The following LRMDA variants were observed in gnomAD, a reference collection of about 807,000 sequenced individuals.
LRMDA encodes the protein leucine rich melanocyte differentiation associated, also known as leucine-rich melanocyte differentiation-associated protein.
LRMDA carries 18 observed loss-of-function variants against 29.8 expected under a neutral mutation model. The observed-to-expected ratio is 0.60, with a 90% CI of 0.42 to 0.90. The LOEUF (loss-of-function observed/expected upper bound fraction) is 0.90. Ranked by LOEUF, LRMDA falls within the 40% of genes least tolerant of loss-of-function variation. The pLI is 0.00. For missense variants in LRMDA, 273 were observed against 273.9 expected (o/e 1.00, Z 0.02); for synonymous variants, 125 against 109.4 (o/e 1.14, Z -0.89).
intron 2 of LRMDA, among the ~76,000 whole-genome samples, chr10:75,953,991 C>T (rs1219670523): frequency 6.6e-6 from 1 of 152,130 alleles, no homozygotes; most frequent in Non-Finnish European, 1.5e-5. Context: ...CCTAGATATT[C>T]AAAGAGAGAG....
chr10:76,044,190 G>A (rs901491618), intron 3 of LRMDA, among the ~76,000 whole-genome samples: 1 of 152,188 alleles, frequency 6.6e-6, no homozygotes, highest in African/African-American at 2.4e-5. Context: ...TGGAGCATCT[G>A]ATGGGTCGCA....
At chr10:75,547,674 A>G (rs761511162) in intron 2 of LRMDA, among the ~76,000 whole-genome samples, 1 of 152,224 alleles carries the variant, frequency 6.6e-6, no homozygotes, top group Non-Finnish European at 1.5e-5. Context: ...TATGTAATAA[A>G]TCTCCATTTG....
intron 2 of LRMDA, among the ~76,000 whole-genome samples, chr10:75,522,709 G>C (rs991487163): frequency 6.6e-6 from 1 of 152,156 alleles, no homozygotes; most frequent in East Asian, 1.9e-4. Flanking sequence ...TATTGCCTTG[G>C]GGCTGAGCAT....
chr10:76,413,781 A>G (rs1441006928), intron 6 of LRMDA, among the ~76,000 whole-genome samples: 1 of 152,230 alleles, frequency 6.6e-6, no homozygotes, highest in Non-Finnish European at 1.5e-5. Context: ...GGCCTAAACT[A>G]GAGCTTGGCA....
chr10:76,544,294 A>G (rs1843393594), intron 6 of LRMDA, among the ~76,000 whole-genome samples: 1 of 152,170 alleles, frequency 6.6e-6, no homozygotes, highest in Non-Finnish European at 1.5e-5. Context: ...TCCCCCCAAT[A>G]TGGAAGCATG....
chr10:75,534,437 A>ACT (rs2132045022), intron 2 of LRMDA, among the ~76,000 whole-genome samples: 1 of 99,972 alleles, frequency 1.0e-5, no homozygotes, highest in East Asian at 5.2e-4. Context: ...AGCCGTCCTG[A>ACT]CTCTTAGAAC....
chr10:76,251,276 C>T (rs1354299534), intron 5 of LRMDA, among the ~76,000 whole-genome samples: 4 of 108,334 alleles, frequency 3.7e-5, no homozygotes, highest in Admixed American at 1.4e-4. Context: ...GACGGAGTCT[C>T]GCTCTGTCAC....
chr10:75,768,054 A>G (rs1241577794), intron 2 of LRMDA, among the ~76,000 whole-genome samples: 1 of 152,204 alleles, frequency 6.6e-6, no homozygotes, highest in Non-Finnish European at 1.5e-5. Context: ...TCTGGAGATA[A>G]TATATTCCAG....
At chr10:76,470,191 A>G (rs149001129) in intron 6 of LRMDA, among the ~76,000 whole-genome samples, 79 of 152,272 alleles carry the variant, frequency 5.2e-4, no homozygotes, top group African/African-American at 1.5e-3. Context: ...AAGAAATACT[A>G]AGGGAAGTAA....
intron 2 of LRMDA, among the ~76,000 whole-genome samples, chr10:75,519,249 G>T (rs1408624427): frequency 1.3e-5 from 2 of 152,116 alleles, no homozygotes; most frequent in African/African-American, 4.8e-5. Context: ...TTCATGTCCT[G>T]GATATCCCTG....
intron 6 of LRMDA, among the ~76,000 whole-genome samples, chr10:76,482,071 C>A (rs1019150054): frequency 5.3e-5 from 8 of 151,858 alleles, no homozygotes; most frequent in African/African-American, 1.9e-4. Context: ...AATTTTTTCT[C>A]TTCATATATT....
At chr10:76,372,365 C>T (rs1841464593) in intron 6 of LRMDA, among the ~76,000 whole-genome samples, 1 of 152,124 alleles carries the variant, frequency 6.6e-6, no homozygotes, top group African/African-American at 2.4e-5. Flanking sequence ...GTAATCCCAG[C>T]ACTTTGGGAG....
intron 6 of LRMDA, among the ~76,000 whole-genome samples, chr10:76,342,264 C>T (rs1408448553): frequency 2.0e-5 from 3 of 151,950 alleles, no homozygotes; most frequent in Non-Finnish European, 4.4e-5. Flanking sequence ...GTTAAGAATT[C>T]CTGGGGGATT....
intron 6 of LRMDA, among the ~76,000 whole-genome samples, chr10:76,359,212 C>A (rs1243733949): frequency 6.6e-6 from 1 of 152,150 alleles, no homozygotes; most frequent in Non-Finnish European, 1.5e-5. Flanking sequence ...ATGCTGGTAA[C>A]AAGTACTTGA....
intron 5 of LRMDA, among the ~76,000 whole-genome samples, chr10:76,109,820 C>G (rs1369779366): frequency 6.6e-6 from 1 of 152,182 alleles, no homozygotes; most frequent in East Asian, 1.9e-4. Context: ...GAAGCACAGT[C>G]TTTCCTTGGC....
chr10:76,385,050 T>A (rs751666114), intron 6 of LRMDA, among the ~76,000 whole-genome samples: 44 of 152,160 alleles, frequency 2.9e-4, no homozygotes, highest in Non-Finnish European at 5.6e-4. Flanking sequence ...AAGGCAAAAT[T>A]CCAATAGCAA....
intron 2 of LRMDA, among the ~76,000 whole-genome samples, chr10:75,581,878 A>G (rs1479905654): frequency 6.6e-6 from 1 of 152,156 alleles, no homozygotes; most frequent in Non-Finnish European, 1.5e-5. Context: ...GCATGTGTAT[A>G]CCTGTGTAAT....
chr10:76,483,289 A>T (rs1177439831), intron 6 of LRMDA, among the ~76,000 whole-genome samples: 1 of 151,934 alleles, frequency 6.6e-6, no homozygotes, highest in Non-Finnish European at 1.5e-5. Flanking sequence ...ATGTTTTACA[A>T]CATTTAAAAA....
chr10:76,448,319 C>T (rs1375686444), intron 6 of LRMDA, among the ~76,000 whole-genome samples: 1 of 151,920 alleles, frequency 6.6e-6, no homozygotes, highest in Non-Finnish European at 1.5e-5. Context: ...CCTTAATGTC[C>T]CAACATATGG....
Sources: gnomAD v4.1 joint callset for allele counts (sites outside exome capture counted in the v4.1 genomes callset) on GRCh38, gnomAD v4.1.1 for gene constraint, MANE v1.5 for transcripts, NCBI Gene and HGNC (gene_info 2026-07-23, HGNC 2026-07-21) for gene names.